The following RACGAP1 variants were observed in gnomAD, a reference collection of about 807,000 sequenced individuals.
RACGAP1 encodes the protein rac GTPase-activating protein 1.
RACGAP1 carries 30 observed loss-of-function variants against 78.1 expected under a neutral mutation model. The ratio of observed to expected loss-of-function variants is 0.38; its 90% CI spans 0.29 to 0.52. The LOEUF (loss-of-function observed/expected upper bound fraction) is 0.52. Among genes scored for constraint, RACGAP1 ranks in the 20% least tolerant of loss-of-function variants. RACGAP1 has a pLI of 0.82. For missense variants in RACGAP1, 587 were observed against 777.1 expected, an observed-to-expected ratio of 0.76 and a Z score of 2.91; for synonymous variants, 231 against 264.8, an observed-to-expected ratio of 0.87 and a Z score of 1.24.
chr12:50,008,234 T>C (rs1280677932), intron 2 of RACGAP1, among the ~76,000 whole-genome samples: 2 of 151,082 alleles, frequency 1.3e-5, no homozygotes, highest in African/African-American at 4.9e-5. Flanking sequence ...GTTTCACTCT[T>C]GTTGCCCAGG....
At chr12:50,023,952 T>G (rs962912787) in intron 1 of RACGAP1, among the ~76,000 whole-genome samples, 4 of 151,730 alleles carry the variant, frequency 2.6e-5, no homozygotes, top group Non-Finnish European at 5.9e-5. Context: ...AGGAGGTCAG[T>G]AGATCAAGAC....
rs1257280010 is a variant in RACGAP1 at position 50,006,730 on chromosome 12, A to G, written c.86-94T>C. The G allele has an allele frequency of 4.7e-6, 6 of 1,274,436 alleles. No homozygotes were observed. In the Admixed American group the frequency reaches 1.3e-4, roughly 27 times the overall value. The allele number at this position is 1,274,436 out of a possible 1,614,324, so 78.9% of individuals were successfully genotyped here. ...CTACGGTTAGCTTTATTTGAAATTC[A>G]TAATTAAGGAACCAGCTGAACTATG... On this transcript the variant is annotated intron_variant, in intron 2 of 16. Coordinates refer to ENST00000312377, the MANE Select transcript of RACGAP1 (RefSeq NM_001319999.2).
intron 12 of RACGAP1, 112 bp downstream of exon 12, chr12:49,994,019 G>A (rs1165156139): frequency 2.1e-5 from 22 of 1,072,554 alleles, no homozygotes; most frequent in Non-Finnish European, 2.6e-5. Flanking sequence ...ACTTCAGCCT[G>A]GGCGAGAGTG....
intron 2 of RACGAP1, among the ~76,000 whole-genome samples, chr12:50,009,543 T>C (rs1040316970): frequency 2.4e-4 from 36 of 152,130 alleles, no homozygotes; most frequent in African/African-American, 8.7e-4. Flanking sequence ...TCTCTAAGCT[T>C]CTTAAAGACA....
At chr12:50,015,106 C>T (rs1430894108) in intron 2 of RACGAP1, among the ~76,000 whole-genome samples, 1 of 151,796 alleles carries the variant, frequency 6.6e-6, no homozygotes, top group Non-Finnish European at 1.5e-5. Flanking sequence ...TCTCAAACTC[C>T]TGGACTCAAT....
chr12:49,993,803 T>C (rs911837008), intron 12 of RACGAP1, among the ~76,000 whole-genome samples: 4 of 149,168 alleles, frequency 2.7e-5, no homozygotes, highest in African/African-American at 7.4e-5. Context: ...TCGCAGCACT[T>C]TGGGAGGCCG....
chr12:50,029,325 G>A (rs1950309765), upstream of RACGAP1, among the ~76,000 whole-genome samples: 2 of 152,030 alleles, frequency 1.3e-5, no homozygotes, highest in Admixed American at 1.3e-4. Flanking sequence ...GGCAGAGGTT[G>A]CAGTGAGCTG....
In RACGAP1 at chr12:49,989,974, C is replaced by G; in HGVS notation, c.*294G>C. ...GCTTTAAGCCAAAGGAACAATAACCCCCTTCCCCAAAAAGAATCACAACCA... is the reference window on the plus strand; with the variant it reads ...GCTTTAAGCCAAAGGAACAATAACCGCCTTCCCCAAAAAGAATCACAACCA... On this transcript the variant is annotated 3_prime_UTR_variant, in exon 17 of 17. Transcript: ENST00000312377. 3.2e-6 allele frequency: 1 copy of G among 313,484 alleles called. No homozygotes were observed. The highest frequency in any genetic ancestry group is 5.9e-6 in the Non-Finnish European group (1 of 170,326). The allele number at this position is 313,484 out of a possible 1,614,324, so 19.4% of individuals were successfully genotyped here.
At chr12:50,007,733 CAAGT>C (rs1225495335) in intron 2 of RACGAP1, among the ~76,000 whole-genome samples, 1 of 151,928 alleles carries the variant, frequency 6.6e-6, no homozygotes, top group African/African-American at 2.4e-5. Context: ...CCAGAAAAAC[CAAGT>C]AATAAGGAAA....
intron 2 of RACGAP1, among the ~76,000 whole-genome samples, chr12:50,010,164 C>T (rs12306478): frequency 0.072 from 10,992 of 151,934 alleles, 1,336 homozygotes; most frequent in African/African-American, 0.25. Context: ...TTTTAAAAAG[C>T]TCAGGCAGCT....
chr12:50,029,616 G>A (rs988818015), upstream of RACGAP1, among the ~76,000 whole-genome samples: 57 of 151,840 alleles, frequency 3.8e-4, no homozygotes, highest in Admixed American at 3.6e-3. Flanking sequence ...TTTGAGGGCT[G>A]GGCACGGTGG....
rs546794343 is a variant in RACGAP1 at position 50,020,272 on chromosome 12, G to T, written c.-4-3553C>A. On this transcript the variant is annotated intron_variant, in intron 1 of 16. Transcript: ENST00000312377. ...GGTTCACCGCAACTTCCATTTTCAG[G>T]GTTCGAGTGATTCTCCTGCCTCAGC... Among the ~76,000 whole-genome samples, 1,110 of 152,180 alleles carry T rather than the reference G, an allele frequency of 7.3e-3. 9 individuals carry two copies. Among genetic ancestry groups the T allele is most frequent in the Non-Finnish European group, 0.012 (802 of 68,012 alleles).
At chr12:50,024,654 C>T (rs751310050) in intron 1 of RACGAP1, among the ~76,000 whole-genome samples, 3 of 152,030 alleles carry the variant, frequency 2.0e-5, no homozygotes, top group Non-Finnish European at 4.4e-5. Context: ...CCTAAATATA[C>T]AAAAATTTTT....
intron 10 of RACGAP1, among the ~76,000 whole-genome samples, chr12:49,996,662 A>AAAAAAAAAAAAAAAAG (rs1948300086): frequency 7.1e-6 from 1 of 141,028 alleles, no homozygotes; most frequent in Non-Finnish European, 1.5e-5. Flanking sequence ...AAAAAAAAAA[A>AAAAAAAAAAAAAAAAG]AAAAAATGGA....
Position 49,992,063 on chromosome 12 carries a change from AT to A in RACGAP1, c.1648del (p.Ile550LeufsTer23). The A allele has an allele frequency of 6.2e-7, 1 of 1,614,140 alleles. No individual in the cohort carries two copies. The highest frequency in any genetic ancestry group is 8.5e-7 in the Non-Finnish European group (1 of 1,180,022). Reference protein sequence around the residue: ...SQFMMVEQENIDPLHVIENSN... With the variant: ...SQFMMVEQENXDPLHVIENSN... ...GTTTTCAATGACATGTAGGGGGTCA[AT>A]GTTCTCTTGCTCCACCATCATGAAC... On this transcript the variant is annotated frameshift_variant, in exon 15 of 17. Transcript: ENST00000312377. LOFTEE classifies it high-confidence loss of function.
At chr12:50,004,126 A>G in intron 5 of RACGAP1, 109 bp downstream of exon 5, 1 of 1,400,298 alleles carries the variant, frequency 7.1e-7, no homozygotes, top group Non-Finnish European at 9.4e-7. Context: ...TAACACATCA[A>G]CTAATAAAAT....
At chr12:50,000,409 C>T (rs1393201437) in intron 7 of RACGAP1, among the ~76,000 whole-genome samples, 1 of 152,000 alleles carries the variant, frequency 6.6e-6, no homozygotes, top group African/African-American at 2.4e-5. Context: ...CCTGCCTAGG[C>T]CTCCCAAAGT....
intron 13 of RACGAP1, 49 bp downstream of exon 13, chr12:49,992,501 C>A (rs1238790498): frequency 6.3e-7 from 1 of 1,591,810 alleles, no homozygotes; most frequent in Admixed American, 1.7e-5. Context: ...TTATCTTCCC[C>A]TTGGAAAAAA....
chr12:50,029,092 T>C (rs995960783), upstream of RACGAP1, among the ~76,000 whole-genome samples: 2 of 151,982 alleles, frequency 1.3e-5, no homozygotes, highest in Admixed American at 6.6e-5. Flanking sequence ...GGCGTGCGCC[T>C]GTAGTCCCAG....
Sources: allele counts gnomAD v4.1 joint callset (sites outside exome capture counted in the v4.1 genomes callset), GRCh38; gene constraint gnomAD v4.1.1; transcripts MANE v1.5; gene names NCBI Gene and HGNC (gene_info 2026-07-23, HGNC 2026-07-21).